Variants in FOXP1 observed in about 807,000 individuals in gnomAD.
FOXP1 encodes the protein forkhead box protein P1.
In FOXP1, 15 loss-of-function variants were observed where a neutral mutation model predicts 98.2. The observed-to-expected ratio is 0.15, with a 90% confidence interval of 0.10 to 0.24. The LOEUF (loss-of-function observed/expected upper bound fraction) is 0.24, where lower values mean the gene tolerates loss of function less well. Among genes scored for constraint, FOXP1 ranks in the 10% least tolerant of loss-of-function variants. FOXP1 has a pLI of 1.00. For missense variants in FOXP1, 633 were observed against 848.5 expected, an observed-to-expected ratio of 0.75 and a Z score of 3.15; for synonymous variants, 371 against 314.5, an observed-to-expected ratio of 1.18 and a Z score of -1.90.
chr3:71,557,371 T>C (rs555077645), intron 2 of FOXP1, among the ~76,000 whole-genome samples: 115 of 151,146 alleles, frequency 7.6e-4, no homozygotes, highest in Admixed American at 1.2e-3. Context: ...AAAATCCTGC[T>C]TATTTAAAAA....
chr3:71,166,025 G>A (rs1323925936), intron 6 of FOXP1, among the ~76,000 whole-genome samples: 1 of 152,200 alleles, frequency 6.6e-6, no homozygotes, highest in Non-Finnish European at 1.5e-5. Flanking sequence ...CCAAAAGAAT[G>A]ACTCCAGGTT....
At chr3:71,110,931 T>C (rs1443318858) in intron 7 of FOXP1, among the ~76,000 whole-genome samples, 1 of 152,256 alleles carries the variant, frequency 6.6e-6, no homozygotes, top group Non-Finnish European at 1.5e-5. Context: ...GGTCTGGTGA[T>C]GGTTTACCAA....
intron 7 of FOXP1, among the ~76,000 whole-genome samples, chr3:71,082,793 T>C (rs1012028714): frequency 1.3e-5 from 2 of 152,134 alleles, no homozygotes; most frequent in African/African-American, 4.8e-5. Context: ...TATACTGCGC[T>C]CCCAATCCAG....
intron 3 of FOXP1, among the ~76,000 whole-genome samples, chr3:71,455,298 AC>A (rs2087367016): frequency 6.6e-6 from 1 of 152,114 alleles, no homozygotes; most frequent in Non-Finnish European, 1.5e-5. Flanking sequence ...ACAACTTCAA[AC>A]AAAAACAGAC....
intron 4 of FOXP1, among the ~76,000 whole-genome samples, chr3:71,356,069 G>A (rs2078133268): frequency 6.6e-6 from 1 of 152,108 alleles, no homozygotes; most frequent in Non-Finnish European, 1.5e-5. Flanking sequence ...GGCAGGGATG[G>A]AGGATGAGGT....
At chr3:71,551,033 T>C (rs1466904945) in intron 2 of FOXP1, among the ~76,000 whole-genome samples, 2 of 152,184 alleles carry the variant, frequency 1.3e-5, no homozygotes, top group Admixed American at 1.3e-4. Flanking sequence ...ACTTCAATAA[T>C]ATTACCAGGA....
chr3:71,116,080 TAA>T lies in FOXP1; in HGVS notation c.181-3445_181-3444del, dbSNP rs2107779987. 2.0e-5 allele frequency among the ~76,000 whole-genome samples: 3 copies of T among 152,164 alleles called. No homozygotes were observed. The South Asian group carries it at 6.2e-4, about 32-fold the overall frequency. On this transcript the variant is annotated intron_variant, in intron 6 of 20. Transcript: ENST00000649528. ...ATGAGCATGGTCTCATAAATGTACA[TAA>T]GGAAAGGAAAGTATAGAACTTAAGT...
intron 7 of FOXP1, among the ~76,000 whole-genome samples, chr3:71,087,657 C>A (rs532254297): frequency 6.6e-6 from 1 of 152,182 alleles, no homozygotes; most frequent in Admixed American, 6.5e-5. Context: ...TCAGAAAAAC[C>A]CTGCTTTGCT....
chr3:71,170,291 C>A (rs375627181), intron 6 of FOXP1, among the ~76,000 whole-genome samples: 2 of 152,196 alleles, frequency 1.3e-5, no homozygotes, highest in East Asian at 1.9e-4. Context: ...ACGCTCCCCC[C>A]ACGCCCTCAC....
intron 4 of FOXP1, among the ~76,000 whole-genome samples, chr3:71,337,475 T>C (rs2107759778): frequency 6.6e-6 from 1 of 152,186 alleles, no homozygotes; most frequent in South Asian, 2.1e-4. Context: ...TAGTTGGGAG[T>C]GGGTGGGTAG....
At chr3:71,260,810 G>A (rs1233673444) in intron 5 of FOXP1, among the ~76,000 whole-genome samples, 3 of 152,032 alleles carry the variant, frequency 2.0e-5, no homozygotes, top group African/African-American at 7.2e-5. Flanking sequence ...CCAAAGTGCT[G>A]GGATTACAGG....
At chr3:71,186,785 G>A (rs905963874) in intron 6 of FOXP1, among the ~76,000 whole-genome samples, 1 of 152,240 alleles carries the variant, frequency 6.6e-6, no homozygotes, top group Admixed American at 6.5e-5. Context: ...AGAAAAGAGT[G>A]ACGAATGCTT....
intron 1 of FOXP1, chr3:71,582,847 G>C (rs2107909668): frequency 1.0e-6 from 1 of 968,304 alleles, no homozygotes; most frequent in East Asian, 1.1e-4. Flanking sequence ...CCTCGCCGCT[G>C]ACTCTCGGGG....
At chr3:71,220,032 T>C (rs560526561) in intron 5 of FOXP1, among the ~76,000 whole-genome samples, 2 of 152,262 alleles carry the variant, frequency 1.3e-5, no homozygotes, top group African/African-American at 4.8e-5. Context: ...ACAACTCACC[T>C]CTAGCCATGA....
intron 3 of FOXP1, among the ~76,000 whole-genome samples, chr3:71,365,963 C>T (rs749242838): frequency 3.0e-4 from 46 of 152,154 alleles, no homozygotes; most frequent in Admixed American, 1.4e-3. Context: ...CAGGGCAAGA[C>T]TCCATTTTAA....
intron 12 of FOXP1, among the ~76,000 whole-genome samples, chr3:71,002,956 G>A (rs2042305169): frequency 6.6e-6 from 1 of 152,164 alleles, no homozygotes; most frequent in African/African-American, 2.4e-5. Context: ...CACAGACCAG[G>A]ACCCAGTGGA....
chr3:71,557,243 GA>G (rs2046209368), intron 2 of FOXP1, among the ~76,000 whole-genome samples: 1 of 151,972 alleles, frequency 6.6e-6, no homozygotes, highest in Non-Finnish European at 1.5e-5. Flanking sequence ...ACGGATGAGA[GA>G]AGAAAAATAT....
chr3:71,450,325 T>C (rs997346996), intron 3 of FOXP1, among the ~76,000 whole-genome samples: 43 of 152,216 alleles, frequency 2.8e-4, no homozygotes, highest in African/African-American at 2.4e-5. Context: ...AAACTCTACA[T>C]ACTGATAAGG....
At chr3:71,461,708 G>A (rs1457108507) in intron 3 of FOXP1, among the ~76,000 whole-genome samples, 1 of 151,896 alleles carries the variant, frequency 6.6e-6, no homozygotes, top group African/African-American at 2.4e-5. Context: ...GGCTGAGGCA[G>A]AGAACTGCTT....
Sources: gnomAD v4.1 joint callset for allele counts (sites outside exome capture counted in the v4.1 genomes callset) on GRCh38, gnomAD v4.1.1 for gene constraint, MANE v1.5 for transcripts, NCBI Gene and HGNC (gene_info 2026-07-23, HGNC 2026-07-21) for gene names.